The following NUP42 variants were observed in gnomAD, a reference collection of about 807,000 sequenced individuals.
NUP42 encodes nucleoporin 42, also known as nucleoporin NUP42.
Under a neutral mutation model 35.9 loss-of-function variants are expected in NUP42, and 47 were observed. The observed-to-expected ratio is 1.31, with a 90% confidence interval of 1.04 to 1.67. NUP42 has a LOEUF of 1.67. Among genes scored for constraint, NUP42 ranks in the 40% most tolerant of loss-of-function variants. The pLI is 0.00. For missense variants in NUP42, 514 were observed against 492.2 expected (o/e 1.04, Z -0.42); for synonymous variants, 173 against 173.3 (o/e 1.00, Z 0.01).
At chr7:23,188,902 CT>C in intron 3 of NUP42, among the ~76,000 whole-genome samples, 1 of 152,322 alleles carries the variant, frequency 6.6e-6, no homozygotes, top group Non-Finnish European at 1.5e-5. Flanking sequence ...CAATAAATTA[CT>C]AGTAGATGTC....
chr7:23,189,266 G>C (rs1004833883), intron 3 of NUP42, among the ~76,000 whole-genome samples: 1 of 152,246 alleles, frequency 6.6e-6, no homozygotes, highest in Non-Finnish European at 1.5e-5. Flanking sequence ...GTCATCGTGA[G>C]CATGATGGCT....
intron 1 of NUP42, among the ~76,000 whole-genome samples, chr7:23,184,586 A>G (rs1159584916): frequency 6.6e-6 from 1 of 152,210 alleles, no homozygotes; most frequent in Non-Finnish European, 1.5e-5. Context: ...TGATATTACA[A>G]CCTAACTACT....
chr7:23,196,647 T>G, intron 4 of NUP42, 33 bp from the exon 5 acceptor site: 1 of 1,424,886 alleles, frequency 7.0e-7, no homozygotes, highest in Non-Finnish European at 9.9e-7. Context: ...ACATACAATA[T>G]TGAACTGTTA....
chr7:23,187,250 T>C lies in NUP42; in HGVS notation c.445+104T>C, dbSNP rs937788530. ...AATCAACTACCAACTTAGCTACAAC[T>C]AGGAGAGTTTGGGCATTGTTTAAAG... On this transcript the variant is annotated intron_variant, in intron 3 of 6. Transcript: ENST00000258742. The C allele has an allele frequency of 5.5e-6, 4 of 726,886 alleles. No individual in the cohort carries two copies. In the African/African-American group the frequency reaches 7.1e-5, roughly 13 times the overall value. 45.0% of individuals were successfully genotyped at this position (726,886 alleles called of 1,614,324 possible). A position where few individuals can be genotyped will look rare whatever the true frequency, so the allele number is the denominator to read the frequency against.
In NUP42 at chr7:23,200,982, C is replaced by T. The variant is rs1023589783; in HGVS notation, c.*237C>T. On this transcript the variant is annotated 3_prime_UTR_variant, in exon 7 of 7. Coordinates refer to ENST00000258742, the MANE Select transcript of NUP42 (RefSeq NM_007342.3). ...TTGAATGGAACTGAAAAATTATGCA[C>T]GAATAAAGTACTTTTCTCATGCCAT... 7.7e-6 allele frequency: 2 copies of T among 259,236 alleles called. No homozygotes were observed. Among genetic ancestry groups the T allele is most frequent in the Middle Eastern group, 1.1e-3 (1 of 876 alleles). The allele number at this position is 259,236 out of a possible 1,614,324, so 16.1% of individuals were successfully genotyped here.
At chr7:23,193,147 C>T (rs893806248) in intron 3 of NUP42, among the ~76,000 whole-genome samples, 1 of 152,088 alleles carries the variant, frequency 6.6e-6, no homozygotes, top group Non-Finnish European at 1.5e-5. Context: ...GGCTGAAGAC[C>T]TTCGCGGTGA....
At chr7:23,188,603 T>C (rs1022831227) in intron 3 of NUP42, 7 of 895,204 alleles carry the variant, frequency 7.8e-6, no homozygotes, top group Non-Finnish European at 9.4e-6. Context: ...AGATAAACAG[T>C]GTTTTTAGTA....
intron 5 of NUP42, among the ~76,000 whole-genome samples, chr7:23,198,750 T>G (rs1181000385): frequency 1.3e-5 from 2 of 152,222 alleles, no homozygotes; most frequent in Non-Finnish European, 2.9e-5. Flanking sequence ...TAATAGTGGA[T>G]CTACTTCGAG....
intron 2 of NUP42, among the ~76,000 whole-genome samples, chr7:23,185,631 C>A (rs1179119937): frequency 6.6e-6 from 1 of 152,138 alleles, no homozygotes; most frequent in Non-Finnish European, 1.5e-5. Context: ...GAATATCTTT[C>A]TAAGATTAGT....
intron 5 of NUP42, chr7:23,197,313 A>T: frequency 1.4e-6 from 1 of 701,688 alleles, no homozygotes. Flanking sequence ...TTAAAATAAG[A>T]TATTCACATT....
Position 23,193,681 on chromosome 7 carries a change from A to G in NUP42, c.446-2158A>G, listed in dbSNP as rs1005404843. Among the ~76,000 whole-genome samples, 11 of 152,298 alleles carry G rather than the reference A, an allele frequency of 7.2e-5. No homozygotes were observed. In the South Asian group the frequency reaches 1.0e-3, roughly 14 times the overall value. ...CAGCTGGCCTCACCCAGTGGATTCCACACCAGGGCCACAGGTGGAGCTACC... is the reference window on the plus strand; with the variant it reads ...CAGCTGGCCTCACCCAGTGGATTCCGCACCAGGGCCACAGGTGGAGCTACC... On this transcript the variant is annotated intron_variant, in intron 3 of 6. Coordinates refer to ENST00000258742, the MANE Select transcript of NUP42 (RefSeq NM_007342.3).
Position 23,185,063 on chromosome 7 carries a change from A to T in NUP42, c.122-7A>T, listed in dbSNP as rs763366578. On this transcript the variant is annotated splice_polypyrimidine_tract_variant and splice_region_variant and intron_variant, in intron 1 of 6. Coordinates refer to ENST00000258742, the MANE Select transcript of NUP42 (RefSeq NM_007342.3). ...GTAAAATTATTTTGTTTTATTGTTT[A>T]TTTTAGGTAATAATAGACGTGGATG... 1 of 1,595,060 alleles carries T rather than the reference A, an allele frequency of 6.3e-7. No homozygotes were observed.
At chr7:23,198,202 A>ATTTTTTTTTTTTTTT (rs1554296929) in intron 5 of NUP42, 2 of 107,182 alleles carry the variant, frequency 1.9e-5, no homozygotes, top group African/African-American at 9.5e-5. Context: ...AAACAAAAGC[A>ATTTTTTTTTTTTTTT]TTCTTTTTTT....
Position 23,185,197 on chromosome 7 carries a change from T to G in NUP42, c.249T>G (p.Phe83Leu), listed in dbSNP as rs909459802. ...AAGAAAAGCCATATTTCAGTTCTTT[T>G]GATTCTGGAGCTTCAACTAACAGGA... ...RDQEKPYFSSFDSGASTNRKE... is the reference protein window; with the variant it reads ...RDQEKPYFSSLDSGASTNRKE... Residue 83 changes from phenylalanine (F) to leucine (L), a missense_variant, in exon 2 of 7, where the codon TTT (phenylalanine) becomes TTG (leucine). Coordinates refer to ENST00000258742, the MANE Select transcript of NUP42 (RefSeq NM_007342.3). The G allele has an allele frequency of 9.3e-6, 15 of 1,614,200 alleles. No homozygotes were observed. Among genetic ancestry groups the G allele is most frequent in the Non-Finnish European group, 1.3e-5 (15 of 1,180,038 alleles).
chr7:23,192,662 T>C (rs953312645), intron 3 of NUP42, among the ~76,000 whole-genome samples: 1 of 152,030 alleles, frequency 6.6e-6, no homozygotes, highest in Non-Finnish European at 1.5e-5. Context: ...TTATGTTGAG[T>C]AGCAGAGGGA....
intron 3 of NUP42, 135 bp from the exon 4 acceptor site, chr7:23,195,704 A>G (rs943564230): frequency 3.3e-6 from 2 of 608,372 alleles, no homozygotes; most frequent in South Asian, 2.0e-5. Flanking sequence ...AGTAGAGTGT[A>G]GGCTTTAAGT....
intron 3 of NUP42, chr7:23,188,097 C>T (rs182255344): frequency 0.018 from 26,065 of 1,410,530 alleles, 310 homozygotes; most frequent in Middle Eastern, 0.031. Context: ...TCTGGGTGTT[C>T]CTGGGCCTCC....
rs182456328 is a variant in NUP42, at chr7:23,185,199, A to G, written c.251A>G (p.Asp84Gly). 6.2e-6 allele frequency: 10 copies of G among 1,614,162 alleles called. No individual in the cohort carries two copies. The East Asian group carries it at 2.2e-4, about 36-fold the overall frequency. The stretch of plus-strand genomic sequence containing the variant: ...GAAAAGCCATATTTCAGTTCTTTTG[A>G]TTCTGGAGCTTCAACTAACAGGAAG... ...DQEKPYFSSF[D>G]SGASTNRKEG... Residue 84 changes from aspartate to glycine, a missense_variant, in exon 2 of 7, where the codon GAT becomes GGT. Coordinates refer to ENST00000258742, the MANE Select transcript of NUP42 (RefSeq NM_007342.3).
At chr7:23,187,599 C>T (rs375983936) in intron 3 of NUP42, among the ~76,000 whole-genome samples, 5 of 84,830 alleles carry the variant, frequency 5.9e-5, no homozygotes, top group African/African-American at 1.5e-4. Context: ...GGGATAGCAA[C>T]TTTTTTTTTT....
Sources: gnomAD v4.1 joint callset for allele counts (sites outside exome capture counted in the v4.1 genomes callset) on GRCh38, gnomAD v4.1.1 for gene constraint, MANE v1.5 for transcripts, NCBI Gene and HGNC (gene_info 2026-07-23, HGNC 2026-07-21) for gene names.